Variants in FOXJ3 observed in about 807,000 individuals in gnomAD.
FOXJ3 encodes forkhead box protein J3.
Under a neutral mutation model 76.1 loss-of-function variants are expected in FOXJ3, and 22 were observed. The ratio of observed to expected loss-of-function variants is 0.29; its 90% confidence interval spans 0.21 to 0.41. FOXJ3 has a LOEUF of 0.41. Ranked by LOEUF, FOXJ3 falls within the 10% of genes least tolerant of loss-of-function variation. The probability of loss-of-function intolerance (pLI) is 1.00; values close to 1 mark genes in which losing one functional copy is unlikely to be tolerated. For synonymous variants in FOXJ3, 269 were observed against 261.2 expected, an observed-to-expected ratio of 1.03 and a Z score of -0.29; for missense variants, 613 against 762.1, an observed-to-expected ratio of 0.80 and a Z score of 2.30.
chr1:42,287,696 C>T (rs764280988), intron 2 of FOXJ3, among the ~76,000 whole-genome samples: 8 of 152,112 alleles, frequency 5.3e-5, no homozygotes, highest in Non-Finnish European at 8.8e-5. Context: ...CATGGTGGTT[C>T]ACACCTGTAA....
rs946181765 is a variant in FOXJ3, at chr1:42,241,290, C to A, written c.445-13324G>T. 3.3e-5 allele frequency among the ~76,000 whole-genome samples: 5 copies of A among 152,192 alleles called. No homozygotes were observed. The East Asian group carries it at 9.6e-4, about 29-fold the overall frequency. On this transcript the variant is annotated intron_variant, in intron 4 of 12. Coordinates refer to ENST00000361346, the MANE Select transcript of FOXJ3 (RefSeq NM_014947.5). The stretch of plus-strand genomic sequence containing the variant: ...GCAGCTGCAGCCACTGACAACTCTG[C>A]CACCCCTAGCAGCATAGCCACAGCA...
chr1:42,260,336 C>A (rs1206146140), intron 4 of FOXJ3, among the ~76,000 whole-genome samples: 1 of 151,994 alleles, frequency 6.6e-6, no homozygotes, highest in African/African-American at 2.4e-5. Flanking sequence ...AAAAAGAATA[C>A]CCTTTGAAAA....
intron 5 of FOXJ3, among the ~76,000 whole-genome samples, chr1:42,207,823 AG>A (rs1176731515): frequency 6.6e-6 from 1 of 152,358 alleles, no homozygotes; most frequent in East Asian, 1.9e-4. Context: ...TCCAGCACTT[AG>A]GTCCCAGGTA....
Position 42,278,334 on chromosome 1 carries a change from A to T in FOXJ3, c.369+14T>A. ...CTTACTTCATAAAAGTAATAATTTA[A>T]ATAAAATCCTTACCTTCCAACCACT... On this transcript the variant is annotated intron_variant, in intron 3 of 12. Transcript: ENST00000361346. 2 of 1,541,004 alleles carry T rather than the reference A, an allele frequency of 1.3e-6. No homozygotes were observed. The highest frequency in any genetic ancestry group is 1.8e-6 in the Non-Finnish European group (2 of 1,122,260).
intron 5 of FOXJ3, among the ~76,000 whole-genome samples, chr1:42,225,538 T>C (rs148393782): frequency 1.6e-4 from 25 of 152,310 alleles, no homozygotes; most frequent in African/African-American, 5.8e-4. Flanking sequence ...TCCCCCTAAT[T>C]ATATGCCCTT....
chr1:42,268,996 TG>T (rs1651677022), intron 3 of FOXJ3, among the ~76,000 whole-genome samples: 1 of 152,142 alleles, frequency 6.6e-6, no homozygotes, highest in African/African-American at 2.4e-5. Flanking sequence ...CAGAATCTGC[TG>T]GCATCTTGAT....
At chr1:42,319,707 A>C (rs1307273653) in intron 1 of FOXJ3, among the ~76,000 whole-genome samples, 2 of 152,246 alleles carry the variant, frequency 1.3e-5, no homozygotes, top group Non-Finnish European at 1.5e-5. Context: ...AAATAAGTTC[A>C]GAACCACCAC....
intron 2 of FOXJ3, chr1:42,280,531 T>G (rs1652632765): frequency 3.4e-6 from 2 of 580,666 alleles, no homozygotes; most frequent in South Asian, 7.7e-5. Flanking sequence ...TATAGGGACT[T>G]GTAGAATAAG....
intron 4 of FOXJ3, among the ~76,000 whole-genome samples, chr1:42,246,806 G>C (rs898752079): frequency 6.6e-6 from 1 of 152,060 alleles, no homozygotes; most frequent in Non-Finnish European, 1.5e-5. Context: ...TCCATCAATG[G>C]CTGAATGGGA....
intron 5 of FOXJ3, among the ~76,000 whole-genome samples, chr1:42,206,897 C>G (rs909357928): frequency 1.3e-5 from 2 of 152,082 alleles, no homozygotes; most frequent in African/African-American, 4.8e-5. Flanking sequence ...GTGGTGCAAT[C>G]TCGGCTCACT....
intron 1 of FOXJ3, among the ~76,000 whole-genome samples, chr1:42,326,769 T>C (rs1203062993): frequency 1.3e-5 from 2 of 152,198 alleles, no homozygotes; most frequent in African/African-American, 4.8e-5. Flanking sequence ...CTAAGTCTGA[T>C]ATTATCATAT....
At chr1:42,301,134 A>G (rs1291131076) in intron 2 of FOXJ3, among the ~76,000 whole-genome samples, 3 of 152,104 alleles carry the variant, frequency 2.0e-5, no homozygotes, top group Non-Finnish European at 4.4e-5. Context: ...TTTCTTCTGT[A>G]GAATATCTAT....
rs1215901139 is a variant in FOXJ3 at position 42,280,377 on chromosome 1, A to G, written c.45-1705T>C. ...ATTTTCTCAAATTCCCTCCATCTCTATTGTACACATTCCTCTGAACCTGAA... is the reference window on the plus strand; with the variant it reads ...ATTTTCTCAAATTCCCTCCATCTCTGTTGTACACATTCCTCTGAACCTGAA... On this transcript the variant is annotated intron_variant, in intron 2 of 12. Coordinates refer to ENST00000361346, the MANE Select transcript of FOXJ3 (RefSeq NM_014947.5). The G allele has an allele frequency of 3.1e-6, 3 of 958,680 alleles. No homozygotes were observed. In the African/African-American group the frequency reaches 5.8e-5, roughly 19 times the overall value. The allele number at this position is 958,680 out of a possible 1,614,324, so 59.4% of individuals were successfully genotyped here.
chr1:42,272,183 GGTCT>G (rs906641530), intron 3 of FOXJ3, among the ~76,000 whole-genome samples: 13 of 152,156 alleles, frequency 8.5e-5, no homozygotes, highest in African/African-American at 3.1e-4. Context: ...GTCACTTTAA[GGTCT>G]TTCTCCAAAC....
At chr1:42,307,298 C>T (rs763190292) in intron 2 of FOXJ3, among the ~76,000 whole-genome samples, 5 of 152,076 alleles carry the variant, frequency 3.3e-5, no homozygotes, top group Admixed American at 2.0e-4. Flanking sequence ...TCACAGAACC[C>T]CTCTGCCAAG....
At chr1:42,189,266 T>C (rs749245512) in intron 10 of FOXJ3, 37 bp downstream of exon 10, 2 of 1,203,362 alleles carry the variant, frequency 1.7e-6, no homozygotes, top group Non-Finnish European at 1.2e-6. Flanking sequence ...CAGGATCATG[T>C]GTATTTGGTT....
In FOXJ3 at chr1:42,191,425, A is replaced by C. The variant is rs1646541317; in HGVS notation, c.1229T>G (p.Leu410Arg). The C allele has an allele frequency of 6.2e-7, 1 of 1,611,738 alleles. No individual in the cohort carries two copies. Among genetic ancestry groups the C allele is most frequent in the African/African-American group, 1.3e-5 (1 of 74,786 alleles). Residue 410 changes from leucine to arginine, a missense_variant, in exon 9 of 13, where the codon CTC becomes CGC. Around this residue, in one of 3 missense-constraint regions of FOXJ3, gnomAD observed 526 missense variants for 601.4 expected, o/e 0.87. Coordinates refer to ENST00000361346, the MANE Select transcript of FOXJ3 (RefSeq NM_014947.5). ...GGGATGCTGGGGGTGAGGGGACTGG[A>C]GCTGGCTGTGTTGCTGTGGGTGTGG... ...PAPHPQQHSQ[L>R]QSPHPQHPSP...
chr1:42,258,143 T>C (rs150154367), intron 4 of FOXJ3, among the ~76,000 whole-genome samples: 1 of 152,352 alleles, frequency 6.6e-6, no homozygotes, highest in Non-Finnish European at 1.5e-5. Flanking sequence ...TAGCTTTCAA[T>C]GCATATTCAT....
At chr1:42,225,672 T>C (rs529871024) in intron 5 of FOXJ3, among the ~76,000 whole-genome samples, 100 of 152,278 alleles carry the variant, frequency 6.6e-4, no homozygotes, top group African/African-American at 2.3e-3. Flanking sequence ...TGTGAAAATA[T>C]ACCACAAAAG....
Sources: gnomAD v4.1 joint callset for allele counts (sites outside exome capture counted in the v4.1 genomes callset) on GRCh38, gnomAD v4.1.1 for gene constraint, gnomAD v4.1.1 regional missense constraint, MANE v1.5 for transcripts, NCBI Gene and HGNC (gene_info 2026-07-23, HGNC 2026-07-21) for gene names.